The following VIT variants were observed in gnomAD, a reference collection of about 807,000 sequenced individuals.
VIT encodes vitrin.
A neutral mutation model predicts 78.0 loss-of-function variants in VIT; 99 were observed. That is an observed-to-expected ratio of 1.27 (90% CI 1.08 to 1.50). The LOEUF (loss-of-function observed/expected upper bound fraction) is 1.50. Ranked by LOEUF, VIT falls within the 40% of genes most tolerant of loss-of-function variation. The pLI, the probability that VIT is intolerant of heterozygous loss-of-function variation, is 0.00. For synonymous variants in VIT, 374 were observed against 334.3 expected (o/e 1.12, Z -1.29); for missense variants, 1,126 against 875.3 (o/e 1.29, Z -3.61).
At chr2:36,759,260 C>G in intron 6 of VIT, 1 of 1,495,480 alleles carries the variant, frequency 6.7e-7, no homozygotes, top group Non-Finnish European at 8.9e-7. Context: ...TTTGCAATTC[C>G]GAGATTGTGT....
intron 2 of VIT, among the ~76,000 whole-genome samples, chr2:36,719,767 T>G (rs552429030): frequency 6.6e-6 from 1 of 152,140 alleles, no homozygotes; most frequent in Non-Finnish European, 1.5e-5. Context: ...GGAGAAACCC[T>G]GTATCTACCA....
rs144623016 is a variant in VIT, at chr2:36,706,687, G to C, written c.-18-9666G>C. On this transcript the variant is annotated intron_variant, in intron 1 of 15. Transcript: ENST00000379242. ...AGTTTCTTTTTTTGCTAGATCACAA[G>C]CTTTTGACCAGCTGAGTCATTTACA... 2.6e-3 allele frequency among the ~76,000 whole-genome samples: 393 copies of C among 152,256 alleles called. 1 individual carries two copies. Among genetic ancestry groups the C allele is most frequent in the African/African-American group, 9.0e-3 (373 of 41,542 alleles).
At chr2:36,724,360 C>T (rs1420309308) in intron 2 of VIT, among the ~76,000 whole-genome samples, 1 of 152,164 alleles carries the variant, frequency 6.6e-6, no homozygotes, top group Non-Finnish European at 1.5e-5. Flanking sequence ...TTGCCAACTA[C>T]CCTCACCCAG....
At chr2:36,728,191 A>G (rs1056319086) in intron 2 of VIT, among the ~76,000 whole-genome samples, 1 of 152,124 alleles carries the variant, frequency 6.6e-6, no homozygotes, top group Admixed American at 6.6e-5. Context: ...CCTGCCTCCC[A>G]AAGTGCTGGG....
chr2:36,795,649 A>T (rs1043041875), intron 12 of VIT, among the ~76,000 whole-genome samples: 2 of 152,036 alleles, frequency 1.3e-5, no homozygotes, highest in African/African-American at 4.8e-5. Context: ...TCCTGACCTC[A>T]GGTGATCCGC....
At chr2:36,707,583 TG>T (rs1397741946) in intron 1 of VIT, among the ~76,000 whole-genome samples, 2 of 152,122 alleles carry the variant, frequency 1.3e-5, no homozygotes, top group Non-Finnish European at 2.9e-5. Flanking sequence ...TGCCTCGAAT[TG>T]GGATCTGCCC....
At chr2:36,717,073 C>T (rs1665207679) in intron 2 of VIT, among the ~76,000 whole-genome samples, 1 of 151,834 alleles carries the variant, frequency 6.6e-6, no homozygotes, top group Non-Finnish European at 1.5e-5. Context: ...GACGGGGTTT[C>T]ACCATGCTGG....
intron 2 of VIT, among the ~76,000 whole-genome samples, chr2:36,724,645 G>A (rs1666725194): frequency 6.6e-6 from 1 of 152,176 alleles, no homozygotes; most frequent in Non-Finnish European, 1.5e-5. Context: ...GAAGCTGAGG[G>A]GAGGGCCTAT....
intron 12 of VIT, among the ~76,000 whole-genome samples, chr2:36,794,862 T>TA (rs1027177995): frequency 2.6e-5 from 4 of 152,158 alleles, no homozygotes; most frequent in Non-Finnish European, 5.9e-5. Context: ...GAAATACCGT[T>TA]AAAAAAATTA....
intron 7 of VIT, among the ~76,000 whole-genome samples, chr2:36,773,002 G>A (rs563600616): frequency 1.3e-5 from 2 of 152,272 alleles, no homozygotes; most frequent in East Asian, 1.9e-4. Flanking sequence ...AATAAATAAT[G>A]AATGTTGAAG....
intron 3 of VIT, among the ~76,000 whole-genome samples, chr2:36,739,050 T>C (rs1187397343): frequency 3.9e-5 from 6 of 152,216 alleles, no homozygotes. Flanking sequence ...AACTGAGGAC[T>C]TTTTGCATAA....
intron 9 of VIT, among the ~76,000 whole-genome samples, chr2:36,778,219 T>C (rs1670186205): frequency 6.6e-6 from 1 of 152,256 alleles, no homozygotes; most frequent in Non-Finnish European, 1.5e-5. Context: ...ATTATGCTGC[T>C]GGGGCTTTTG....
intron 4 of VIT, among the ~76,000 whole-genome samples, chr2:36,754,559 C>T (rs1408906557): frequency 4.6e-5 from 7 of 152,140 alleles, no homozygotes; most frequent in African/African-American, 1.7e-4. Flanking sequence ...TAACTAAATT[C>T]ATTCTGTGCC....
At chr2:36,760,841 C>G (rs1019532170) in intron 6 of VIT, among the ~76,000 whole-genome samples, 6 of 152,226 alleles carry the variant, frequency 3.9e-5, no homozygotes, top group Admixed American at 6.5e-5. Context: ...GCCATGGGAA[C>G]AGCCAGGCTT....
At chr2:36,772,004 A>G (rs1399252069) in intron 7 of VIT, among the ~76,000 whole-genome samples, 2 of 152,256 alleles carry the variant, frequency 1.3e-5, no homozygotes, top group African/African-American at 4.8e-5. Flanking sequence ...CCAGAATTGT[A>G]TACCAGTAAC....
chr2:36,761,652 A>G (rs996452751), intron 6 of VIT, among the ~76,000 whole-genome samples: 1 of 152,098 alleles, frequency 6.6e-6, no homozygotes, highest in African/African-American at 2.4e-5. Context: ...AGGCAGGAGA[A>G]TCACTTGAAC....
chr2:36,771,045 C>T (rs1228016659), intron 7 of VIT, among the ~76,000 whole-genome samples: 1 of 152,198 alleles, frequency 6.6e-6, no homozygotes, highest in African/African-American at 2.4e-5. Context: ...CATACAGTTT[C>T]CCTTACCAAC....
At chr2:36,738,082 A>G (rs976513208) in intron 3 of VIT, among the ~76,000 whole-genome samples, 1 of 152,232 alleles carries the variant, frequency 6.6e-6, no homozygotes, top group South Asian at 2.1e-4. Context: ...AAATGCACAG[A>G]TGCATGCATG....
At chr2:36,742,349 G>A (rs1337772273) in intron 3 of VIT, among the ~76,000 whole-genome samples, 4 of 152,114 alleles carry the variant, frequency 2.6e-5, no homozygotes, top group Admixed American at 2.6e-4. Flanking sequence ...CAAAACAGAG[G>A]GAGGGAAGAA....
Sources: gnomAD v4.1 joint callset for allele counts (sites outside exome capture counted in the v4.1 genomes callset) on GRCh38, gnomAD v4.1.1 for gene constraint, MANE v1.5 for transcripts, NCBI Gene and HGNC (gene_info 2026-07-23, HGNC 2026-07-21) for gene names.